TXK: variants seen among roughly 807,000 people sequenced by gnomAD.
TXK encodes TXK tyrosine kinase, also known as tyrosine-protein kinase TXK.
A neutral mutation model predicts 81.0 loss-of-function variants in TXK; 60 were observed. That is an observed-to-expected ratio of 0.74 (90% CI 0.60 to 0.92). TXK has a LOEUF of 0.92. Ranked by LOEUF, TXK falls within the 40% of genes least tolerant of loss-of-function variation. TXK has a pLI of 0.00. For missense variants in TXK, 581 were observed against 638.3 expected (o/e 0.91, Z 0.97); for synonymous variants, 203 against 210.7 (o/e 0.96, Z 0.32).
chr4:48,092,713 G>A (rs1717824789), intron 8 of TXK, among the ~76,000 whole-genome samples: 1 of 152,194 alleles, frequency 6.6e-6, no homozygotes, highest in Non-Finnish European at 1.5e-5. Flanking sequence ...GAATGGAAGA[G>A]ATACAGGAGA....
At chr4:48,103,110 C>T (rs951271823) in intron 6 of TXK, among the ~76,000 whole-genome samples, 2 of 152,108 alleles carry the variant, frequency 1.3e-5, no homozygotes, top group African/African-American at 2.4e-5. Flanking sequence ...CGGGCCTGTG[C>T]GTATAATTCC....
At chr4:48,092,517 A>G (rs17574051) in intron 8 of TXK, among the ~76,000 whole-genome samples, 1 of 146,616 alleles carries the variant, frequency 6.8e-6, no homozygotes, top group Admixed American at 6.9e-5. Context: ...ATGTTTAAAA[A>G]GTAAATGGAA....
At chr4:48,109,970 C>T (rs1718583387) in intron 5 of TXK, among the ~76,000 whole-genome samples, 1 of 152,194 alleles carries the variant, frequency 6.6e-6, no homozygotes, top group Non-Finnish European at 1.5e-5. Context: ...TAGTCTCAGG[C>T]CGTTCTCTAC....
chr4:48,105,015 G>T, intron 5 of TXK, 60 bp from the exon 6 acceptor site: 8 of 1,269,962 alleles, frequency 6.3e-6, no homozygotes, highest in Non-Finnish European at 8.7e-6. Flanking sequence ...AGAAAAAAGT[G>T]CTTCATTTTC....
chr4:48,085,558 C>T (rs1415840551), intron 10 of TXK, among the ~76,000 whole-genome samples: 8 of 152,144 alleles, frequency 5.3e-5, no homozygotes. Context: ...AAACCTGCTG[C>T]CCTAAATGGG....
chr4:48,093,982 G>T, intron 8 of TXK, 95 bp downstream of exon 8: 2 of 1,468,598 alleles, frequency 1.4e-6, no homozygotes, highest in Non-Finnish European at 1.9e-6. Context: ...ATTTCTATAG[G>T]GAGATTTGCT....
rs762534690 is a variant in TXK at position 48,113,173 on chromosome 4, C to T, written c.174+34G>A. The T allele has an allele frequency of 5.3e-6, 8 of 1,514,772 alleles. No individual in the cohort carries two copies. The South Asian group carries it at 7.9e-5, about 15-fold the overall frequency. 93.8% of individuals were successfully genotyped at this position (1,514,772 alleles called of 1,614,324 possible). ...GAAGACTCTAAAAAGACAACCTTCT[C>T]CATTCCCCTCTTGCCTGTCAAAATG... On this transcript the variant is annotated intron_variant, in intron 3 of 14. Transcript: ENST00000264316.
chr4:48,095,504 C>T (rs1365703981), intron 6 of TXK, among the ~76,000 whole-genome samples: 3 of 152,038 alleles, frequency 2.0e-5, no homozygotes, highest in African/African-American at 7.2e-5. Flanking sequence ...TATTTGAAAA[C>T]CTTGTACCCT....
intron 4 of TXK, 93 bp from the exon 5 acceptor site, chr4:48,110,696 G>C (rs911703153): frequency 3.0e-5 from 27 of 901,272 alleles, no homozygotes; most frequent in Non-Finnish European, 4.4e-5. Flanking sequence ...GGATGTAGGG[G>C]GGAAATCAAA....
Position 48,086,494 on chromosome 4 carries a change from C to A in TXK, c.928G>T (p.Asp310Tyr). 3 of 1,614,048 alleles carry A rather than the reference C, an allele frequency of 1.9e-6. No homozygotes were observed. Among genetic ancestry groups the A allele is most frequent in the Non-Finnish European group, 2.5e-6 (3 of 1,179,978 alleles). ...ATCACTTTGGCCTCTTCAATGAAAT[C>A]CTCTTCAGACATGGAGCCTTCATTG... is the stretch of plus-strand genomic sequence containing the variant. ...AINEGSMSEEDFIEEAKVMMK... is the reference protein window; with the variant it reads ...AINEGSMSEEYFIEEAKVMMK... The change falls in exon 10 of 15, where the codon GAT becomes TAT. Residue 310 changes from aspartate (D) to tyrosine (Y), a missense_variant. Physicochemically the swap from Asp to Tyr is radical, Grantham distance 160 (BLOSUM62 -3). Coordinates refer to ENST00000264316, the MANE Select transcript of TXK (RefSeq NM_003328.3).
At chr4:48,126,854 T>C (rs986342871) in intron 1 of TXK, among the ~76,000 whole-genome samples, 10 of 151,952 alleles carry the variant, frequency 6.6e-5, no homozygotes, top group African/African-American at 2.2e-4. Flanking sequence ...CAGGCAGGAG[T>C]ATCTGGGACT....
In TXK at chr4:48,122,350, C is replaced by G. The variant is rs531512754; in HGVS notation, c.17-7948G>C. Among the ~76,000 whole-genome samples the G allele has an allele frequency of 1.1e-4, 17 of 152,288 alleles. 1 individual carries two copies. Among genetic ancestry groups the G allele is most frequent in the African/African-American group, 4.1e-4 (17 of 41,556 alleles). On this transcript the variant is annotated intron_variant, in intron 1 of 14. Transcript: ENST00000264316. ...ATAGGGCCTGCTCTCACCAGAGATTCTTGGCTTTTGTTTTTTCCAGAGCAC... is the reference window on the plus strand; with the variant it reads ...ATAGGGCCTGCTCTCACCAGAGATTGTTGGCTTTTGTTTTTTCCAGAGCAC...
chr4:48,121,484 G>A (rs1431447507), intron 1 of TXK, among the ~76,000 whole-genome samples: 1 of 152,134 alleles, frequency 6.6e-6, no homozygotes, highest in Non-Finnish European at 1.5e-5. Context: ...CAGTGTCCAT[G>A]GGAGATTGGT....
intron 14 of TXK, among the ~76,000 whole-genome samples, chr4:48,068,837 AG>A (rs1716709763): frequency 6.6e-6 from 1 of 152,238 alleles, no homozygotes; most frequent in African/African-American, 2.4e-5. Context: ...AGAGAGCATC[AG>A]TAAAATAAAC....
intron 10 of TXK, among the ~76,000 whole-genome samples, 179 bp downstream of exon 10, chr4:48,086,287 C>T (rs1717526495): frequency 6.6e-6 from 1 of 152,178 alleles, no homozygotes; most frequent in Admixed American, 6.5e-5. Context: ...GACATTGAGG[C>T]TTGGAAAGGT....
intron 2 of TXK, 76 bp from the exon 3 acceptor site, chr4:48,113,385 G>T: frequency 8.8e-7 from 1 of 1,136,128 alleles, no homozygotes; most frequent in Non-Finnish European, 1.3e-6. Flanking sequence ...GATTTTCACA[G>T]AAATAGCAGA....
intron 9 of TXK, among the ~76,000 whole-genome samples, chr4:48,088,000 TA>T (rs1717601291): frequency 6.6e-6 from 1 of 151,882 alleles, no homozygotes; most frequent in African/African-American, 2.4e-5. Context: ...TTTTTAAGGG[TA>T]AAAAATGTGA....
At chr4:48,088,431 T>A (rs1017398221) in intron 9 of TXK, among the ~76,000 whole-genome samples, 2 of 152,214 alleles carry the variant, frequency 1.3e-5, no homozygotes, top group African/African-American at 2.4e-5. Flanking sequence ...AATGGCCATC[T>A]ACAAGAAGCA....
chr4:48,096,976 A>G (rs544677472), intron 6 of TXK, among the ~76,000 whole-genome samples: 9 of 152,350 alleles, frequency 5.9e-5, no homozygotes, highest in African/African-American at 2.2e-4. Flanking sequence ...TATTACTTAT[A>G]TCAACAAGCA....
Sources: allele counts gnomAD v4.1 joint callset (sites outside exome capture counted in the v4.1 genomes callset), GRCh38; gene constraint gnomAD v4.1.1; transcripts MANE v1.5; gene names NCBI Gene and HGNC (gene_info 2026-07-23, HGNC 2026-07-21).